LYZL4: variants seen among roughly 807,000 people sequenced by gnomAD.
LYZL4 encodes the protein lysozyme like 4.
LYZL4 carries 13 observed loss-of-function variants against 17.6 expected under a neutral mutation model. The ratio of observed to expected loss-of-function variants is 0.74; its 90% CI spans 0.48 to 1.18. LYZL4 has a LOEUF of 1.18. LYZL4 is among the 50% of genes most tolerant of loss of function. The pLI is 0.00. For synonymous variants in LYZL4, 64 were observed against 67.7 expected (o/e 0.95, Z 0.27); for missense variants, 174 against 188.2 (o/e 0.92, Z 0.44).
intron 3 of LYZL4, 110 bp downstream of exon 3, chr3:42,406,736 A>C (rs1577157429): frequency 1.4e-6 from 2 of 1,383,466 alleles, no homozygotes; most frequent in Admixed American, 1.9e-5. Context: ...GGCTCCTGCC[A>C]CACCCTCTTC....
At chr3:42,390,531 T>C in the LYZL4 span, among the ~76,000 whole-genome samples, 1 of 150,316 alleles carries the variant, frequency 6.7e-6, no homozygotes, top group Non-Finnish European at 1.5e-5. Context: ...CCTTTCATCA[T>C]GGCAGGAGCA....
chr3:42,394,952 C>T (rs17074372), downstream of LYZL4, among the ~76,000 whole-genome samples: 5 of 152,176 alleles, frequency 3.3e-5, no homozygotes, highest in African/African-American at 9.7e-5. Flanking sequence ...GACCTACCCT[C>T]GGAAGCAATG....
chr3:42,408,439 CCA>C (rs1698803198), intron 1 of LYZL4, among the ~76,000 whole-genome samples: 1 of 152,204 alleles, frequency 6.6e-6, no homozygotes, highest in Admixed American at 6.5e-5. Flanking sequence ...ATGCCTTTCC[CCA>C]TTCAAATGTT....
chr3:42,401,679 G>T (rs1005053922), intron 4 of LYZL4, among the ~76,000 whole-genome samples: 3 of 152,040 alleles, frequency 2.0e-5, no homozygotes, highest in African/African-American at 7.3e-5. Context: ...TTTAAGTCAG[G>T]TGGATAAGCT....
At chr3:42,380,800 G>T in the LYZL4 span, among the ~76,000 whole-genome samples, 1 of 152,178 alleles carries the variant, frequency 6.6e-6, no homozygotes, top group Non-Finnish European at 1.5e-5. Context: ...CACTTCCATG[G>T]GGGAAGTGTG....
At chr3:42,401,304 A>G (rs1053835916) in intron 4 of LYZL4, among the ~76,000 whole-genome samples, 4 of 152,082 alleles carry the variant, frequency 2.6e-5, no homozygotes, top group Admixed American at 2.0e-4. Flanking sequence ...TCCACCTCCC[A>G]GGTTCAAGCG....
downstream of LYZL4, among the ~76,000 whole-genome samples, chr3:42,396,451 C>A (rs1228325944): frequency 2.0e-5 from 3 of 152,172 alleles, no homozygotes; most frequent in Admixed American, 6.5e-5. Flanking sequence ...AAAATAAGCC[C>A]CTTGCTACTT....
chr3:42,409,966 C>T (rs1698833346), intron 1 of LYZL4, among the ~76,000 whole-genome samples: 1 of 152,210 alleles, frequency 6.6e-6, no homozygotes, highest in Admixed American at 6.5e-5. Flanking sequence ...ATTCCCACCA[C>T]AGGTCCTTTG....
At chr3:42,383,800 G>A in the LYZL4 span, among the ~76,000 whole-genome samples, 6 of 151,888 alleles carry the variant, frequency 4.0e-5, no homozygotes, top group Non-Finnish European at 5.9e-5. Context: ...GAAAGAAGTC[G>A]AGAAAATTGA....
the LYZL4 span, among the ~76,000 whole-genome samples, chr3:42,376,445 G>A: frequency 5.3e-5 from 8 of 152,216 alleles, no homozygotes; most frequent in East Asian, 1.2e-3. Context: ...AATGCCTCCA[G>A]GGAGAACATG....
At chr3:42,374,956 T>C in the LYZL4 span, among the ~76,000 whole-genome samples, 1,755 of 152,048 alleles carry the variant, frequency 0.012, 21 homozygotes, top group Non-Finnish European at 0.014. Flanking sequence ...ACTAAAGGGG[T>C]GCACCACCAT....
chr3:42,401,919 C>A (rs1378573944), intron 4 of LYZL4, among the ~76,000 whole-genome samples: 1 of 151,952 alleles, frequency 6.6e-6, no homozygotes, highest in African/African-American at 2.4e-5. Context: ...CACTGGAGAT[C>A]CTAGCCAATG....
the LYZL4 span, among the ~76,000 whole-genome samples, chr3:42,377,623 CTCTG>C: frequency 1.2e-4 from 11 of 92,630 alleles, no homozygotes; most frequent in African/African-American, 3.8e-4. Flanking sequence ...ATGCATGACT[CTCTG>C]TGTGTGTGTG....
chr3:42,368,528 T>C, the LYZL4 span, among the ~76,000 whole-genome samples: 3 of 152,258 alleles, frequency 2.0e-5, no homozygotes, highest in African/African-American at 7.2e-5. Flanking sequence ...CCTTTCACAA[T>C]CTGAGAATAC....
chr3:42,406,443 G>T (rs1698751373), intron 3 of LYZL4, among the ~76,000 whole-genome samples: 1 of 118,500 alleles, frequency 8.4e-6, no homozygotes, highest in Non-Finnish European at 1.6e-5. Flanking sequence ...GACTCAGTGA[G>T]ACTCCGTCTC....
chr3:42,397,195 A>G lies in LYZL4; in HGVS notation c.*70T>C. 1 of 1,051,126 alleles carries G rather than the reference A, an allele frequency of 9.5e-7. No individual in the cohort carries two copies. Among genetic ancestry groups the G allele is most frequent in the South Asian group, 1.4e-5 (1 of 69,784 alleles). 65.1% of individuals were successfully genotyped at this position (1,051,126 alleles called of 1,614,324 possible). A position where few individuals can be genotyped will look rare whatever the true frequency, so the allele number is the denominator to read the frequency against. On this transcript the variant is annotated 3_prime_UTR_variant, in exon 5 of 5. Coordinates refer to ENST00000287748, the MANE Select transcript of LYZL4 (RefSeq NM_144634.4). ...TGAGATCATCAAAAGGATTGACTGA[A>G]GCAGCAAGCAGAAAAGCACCTTCAT...
At chr3:42,361,472 A>G in the LYZL4 span, among the ~76,000 whole-genome samples, 1 of 152,138 alleles carries the variant, frequency 6.6e-6, no homozygotes, top group Admixed American at 6.5e-5. Context: ...CTATATAATT[A>G]TTATTTAATG....
At chr3:42,381,554 C>G in the LYZL4 span, among the ~76,000 whole-genome samples, 2 of 152,074 alleles carry the variant, frequency 1.3e-5, no homozygotes, top group African/African-American at 2.4e-5. Flanking sequence ...AGCGTTGAAA[C>G]GACAGCACAT....
chr3:42,404,076 A>G lies in LYZL4; in HGVS notation c.341T>C (p.Ile114Thr). The stretch of plus-strand genomic sequence containing the variant: ...TCCCATCCCTTCTTTTCCTTTTACA[A>G]TGGTCTTGGCACATTTAATTGTCTT... ...LEKTIKCAKTIVKGKEGMGAW... is the reference protein window; with the variant it reads ...LEKTIKCAKTTVKGKEGMGAW... Residue 114 changes from isoleucine to threonine, a missense_variant, in exon 4 of 5, where the codon ATT (isoleucine) becomes ACT (threonine). Transcript: ENST00000287748. 6.2e-7 allele frequency: 1 copy of G among 1,612,958 alleles called. No individual in the cohort carries two copies.
Sources: allele counts gnomAD v4.1 joint callset (sites outside exome capture counted in the v4.1 genomes callset), GRCh38; gene constraint gnomAD v4.1.1; transcripts MANE v1.5; gene names NCBI Gene and HGNC (gene_info 2026-07-23, HGNC 2026-07-21).